The following DRC11 variants were observed in gnomAD, a reference collection of about 807,000 sequenced individuals.
DRC11 encodes the protein dynein regulatory complex subunit 11.
the DRC11 span, among the ~76,000 whole-genome samples, chr2:236,499,553 T>G: frequency 6.6e-6 from 1 of 152,170 alleles, no homozygotes. This position sits in a 1 kb window ranked among gnomAD's most constrained non-coding sequence, Gnocchi z 4.7. Context: ...CTCAGCCTCC[T>G]GGGTAGCTGG....
the DRC11 span, among the ~76,000 whole-genome samples, chr2:236,451,999 A>G: frequency 6.6e-6 from 1 of 152,194 alleles, no homozygotes; most frequent in African/African-American, 2.4e-5. Flanking sequence ...CATGTGTCAA[A>G]TGCTGGGGAG....
At chr2:236,312,813 G>C in the DRC11 span, among the ~76,000 whole-genome samples, 1 of 151,728 alleles carries the variant, frequency 6.6e-6, no homozygotes, top group Non-Finnish European at 1.5e-5. Context: ...AACTGATTGA[G>C]GGAAAAAAGA....
chr2:236,308,941 G>T, the DRC11 span, among the ~76,000 whole-genome samples: 1 of 152,214 alleles, frequency 6.6e-6, no homozygotes, highest in African/African-American at 2.4e-5. The surrounding 1 kb of genome is among the most constrained non-coding windows in gnomAD (Gnocchi z 6.0). Flanking sequence ...TTCTGCTGCA[G>T]GGGAGCTGTG....
chr2:236,409,013 G>A, the DRC11 span: 5 of 666,760 alleles, frequency 7.5e-6, no homozygotes, highest in Middle Eastern at 4.2e-4. Context: ...GATGCGTGCT[G>A]TGCACTTCCG....
chr2:236,369,467 T>C, the DRC11 span, among the ~76,000 whole-genome samples: 2 of 152,202 alleles, frequency 1.3e-5, no homozygotes, highest in African/African-American at 4.8e-5. This position sits in a 1 kb window ranked among gnomAD's most constrained non-coding sequence, Gnocchi z 4.5. Context: ...GAGTGGTTAA[T>C]TTAGCCTCCA....
the DRC11 span, among the ~76,000 whole-genome samples, chr2:236,322,011 C>T: frequency 1.3e-4 from 20 of 151,992 alleles, no homozygotes; most frequent in East Asian, 7.7e-4. Context: ...GGAAGATATA[C>T]GGGAACAGAC....
the DRC11 span, among the ~76,000 whole-genome samples, chr2:236,349,792 G>A: frequency 1.3e-5 from 2 of 152,226 alleles, no homozygotes; most frequent in South Asian, 2.1e-4. This position sits in a 1 kb window ranked among gnomAD's most constrained non-coding sequence, Gnocchi z 5.5. Context: ...TAATGCCTGG[G>A]CGATGAAATA....
the DRC11 span, among the ~76,000 whole-genome samples, chr2:236,402,671 C>T: frequency 3.9e-5 from 6 of 152,298 alleles, no homozygotes; most frequent in African/African-American, 1.4e-4. The surrounding 1 kb of genome is among the most constrained non-coding windows in gnomAD (Gnocchi z 6.0). Flanking sequence ...GCCTATGACA[C>T]AGCTCACCCA....
the DRC11 span, among the ~76,000 whole-genome samples, chr2:236,501,910 G>A: frequency 1.3e-5 from 2 of 152,118 alleles, no homozygotes; most frequent in African/African-American, 4.8e-5. Flanking sequence ...AACCCAGGAG[G>A]GTTGACTGCA....
At chr2:236,362,058 CAT>C in the DRC11 span, among the ~76,000 whole-genome samples, 28 of 152,228 alleles carry the variant, frequency 1.8e-4, no homozygotes, top group African/African-American at 6.5e-4. This position sits in a 1 kb window ranked among gnomAD's most constrained non-coding sequence, Gnocchi z 5.7. Flanking sequence ...GGAAGGAAGA[CAT>C]AACAATCCTA....
At chr2:236,363,273 C>T in the DRC11 span, among the ~76,000 whole-genome samples, 333 of 152,330 alleles carry the variant, frequency 2.2e-3, 1 homozygote, top group African/African-American at 7.6e-3. This position sits in a 1 kb window ranked among gnomAD's most constrained non-coding sequence, Gnocchi z 5.6. Flanking sequence ...AGGAGCTTAG[C>T]TAAGATCACA....
the DRC11 span, among the ~76,000 whole-genome samples, chr2:236,447,941 C>T: frequency 2.0e-5 from 3 of 152,096 alleles, no homozygotes; most frequent in African/African-American, 7.2e-5. This position sits in a 1 kb window ranked among gnomAD's most constrained non-coding sequence, Gnocchi z 4.6. Context: ...TGCATGTCAA[C>T]TTTGTAAATC....
the DRC11 span, chr2:236,324,623 G>A: frequency 1.0e-6 from 1 of 954,008 alleles, no homozygotes; most frequent in Admixed American, 2.0e-5. This position sits in a 1 kb window ranked among gnomAD's most constrained non-coding sequence, Gnocchi z 5.7. Flanking sequence ...CTCCATCCCA[G>A]AGAGACTCAA....
chr2:236,504,157 T>G, the DRC11 span, among the ~76,000 whole-genome samples: 1 of 150,150 alleles, frequency 6.7e-6, no homozygotes, highest in African/African-American at 2.5e-5. The surrounding 1 kb of genome is among the most constrained non-coding windows in gnomAD (Gnocchi z 5.0). Flanking sequence ...CATCTCTTTT[T>G]GCCTATTCTG....
the DRC11 span, among the ~76,000 whole-genome samples, chr2:236,459,516 T>TGTATAC: frequency 2.0e-5 from 2 of 99,044 alleles, no homozygotes; most frequent in Non-Finnish European, 4.4e-5. Flanking sequence ...CGTATACGTA[T>TGTATAC]ACATGTATAC....
the DRC11 span, among the ~76,000 whole-genome samples, chr2:236,364,244 TC>T: frequency 6.0e-5 from 9 of 151,062 alleles, no homozygotes; most frequent in East Asian, 1.6e-3. Flanking sequence ...CATCAGTATT[TC>T]CCCTGAAATC....
the DRC11 span, among the ~76,000 whole-genome samples, chr2:236,348,434 C>G: frequency 6.6e-6 from 1 of 152,192 alleles, no homozygotes; most frequent in Non-Finnish European, 1.5e-5. This position sits in a 1 kb window ranked among gnomAD's most constrained non-coding sequence, Gnocchi z 7.4. Flanking sequence ...CAGGGTCACT[C>G]CAACCGGGAA....
chr2:236,467,348 C>T, the DRC11 span, among the ~76,000 whole-genome samples: 797 of 152,182 alleles, frequency 5.2e-3, 8 homozygotes, highest in African/African-American at 0.018. Context: ...TGTCTATTTG[C>T]ACTAGGTGAT....
the DRC11 span, among the ~76,000 whole-genome samples, chr2:236,379,852 A>G: frequency 7.2e-6 from 1 of 139,298 alleles, no homozygotes; most frequent in Non-Finnish European, 1.6e-5. Context: ...ACCAAGGGAG[A>G]GGGGAGGGAA....
Sources: allele counts gnomAD v4.1 joint callset (sites outside exome capture counted in the v4.1 genomes callset), GRCh38; gene constraint gnomAD v4.1.1; non-coding constraint Gnocchi (gnomAD v3.1); transcripts MANE v1.5; gene names NCBI Gene and HGNC (gene_info 2026-07-23, HGNC 2026-07-21).